HCK: variants seen among roughly 807,000 people sequenced by gnomAD.
The protein encoded by HCK is HCK proto-oncogene, Src family tyrosine kinase, also known as tyrosine-protein kinase HCK.
HCK carries 40 observed loss-of-function variants against 70.4 expected under a neutral mutation model. The ratio of observed to expected loss-of-function variants is 0.57; its 90% CI spans 0.44 to 0.74. The LOEUF (loss-of-function observed/expected upper bound fraction) is 0.74, where lower values mean the gene tolerates loss of function less well. Among genes scored for constraint, HCK ranks in the 30% least tolerant of loss-of-function variants. HCK has a pLI of 0.00. For synonymous variants in HCK, 245 were observed against 263.2 expected, an observed-to-expected ratio of 0.93 and a Z score of 0.67; for missense variants, 568 against 697.2, an observed-to-expected ratio of 0.81 and a Z score of 2.09.
chr20:32,078,951 C>G (rs1321750048), intron 5 of HCK, among the ~76,000 whole-genome samples: 1 of 151,858 alleles, frequency 6.6e-6, no homozygotes, highest in East Asian at 1.9e-4. Context: ...TAACTTCCTC[C>G]CCAGTTGATA....
intron 1 of HCK, among the ~76,000 whole-genome samples, chr20:32,069,535 C>G (rs547673661): frequency 6.6e-6 from 1 of 152,302 alleles, no homozygotes; most frequent in African/African-American, 2.4e-5. Flanking sequence ...TTTCCCAGAA[C>G]TGTAATACAC....
chr20:32,098,983 C>G, intron 11 of HCK, 21 bp from the exon 12 acceptor site: 1 of 1,613,438 alleles, frequency 6.2e-7, no homozygotes, highest in Non-Finnish European at 8.5e-7. Context: ...TTCCCCGACT[C>G]TGCTCTGTTC....
intron 1 of HCK, among the ~76,000 whole-genome samples, chr20:32,069,368 A>G (rs1408038178): frequency 6.6e-6 from 1 of 152,238 alleles, no homozygotes; most frequent in Non-Finnish European, 1.5e-5. Flanking sequence ...GGAAATCACA[A>G]GACTCACAGC....
chr20:32,095,311 A>C (rs920665122), intron 11 of HCK, among the ~76,000 whole-genome samples: 5 of 151,972 alleles, frequency 3.3e-5, no homozygotes, highest in Non-Finnish European at 5.9e-5. Flanking sequence ...GCTAGAGTGC[A>C]GTGGCTCAAT....
Position 32,101,646 on chromosome 20 carries a change from C to T in HCK, c.*127C>T. ...CCCACCCTCGCTTCAGCCACAGTTT[C>T]CTCATCTGTCCAGTGGGTAGGTTGG... is the stretch of plus-strand genomic sequence containing the variant. On this transcript the variant is annotated 3_prime_UTR_variant, in exon 13 of 13. Transcript: ENST00000375852. 7.1e-6 allele frequency: 5 copies of T among 707,324 alleles called. No individual in the cohort carries two copies. The Admixed American group carries it at 1.4e-4, about 19-fold the overall frequency. The allele number at this position is 707,324 out of a possible 1,614,324, so 43.8% of individuals were successfully genotyped here.
intron 8 of HCK, among the ~76,000 whole-genome samples, chr20:32,085,984 T>C (rs2045779784): frequency 6.6e-6 from 1 of 152,006 alleles, no homozygotes; most frequent in African/African-American, 2.4e-5. Context: ...ATAACCTGAG[T>C]AGTGTTTTAA....
chr20:32,101,508 C>G lies in HCK; in HGVS notation c.1570C>G (p.Gln524Glu). ...CACGGCCACAGAGAGCCAGTACCAA[C>G]AGCAGCCATGATAGGGAGGACCAGG... Residue 524 changes from glutamine to glutamate, a missense_variant, in exon 13 of 13, where the codon CAG becomes GAG. By Grantham distance (29) the Gln-to-Glu change is conservative. This residue lies in a region of HCK where 77 missense variants were observed against 85.0 expected (regional missense o/e 0.91). Coordinates refer to ENST00000375852, the MANE Select transcript of HCK (RefSeq NM_002110.5). 2 of 1,612,866 alleles carry G rather than the reference C, an allele frequency of 1.2e-6. No individual in the cohort carries two copies. The highest frequency in any genetic ancestry group is 1.1e-5 in the South Asian group (1 of 90,882).
chr20:32,075,706 T>TCATCCATCCATCCATTCATC (rs2045613184), intron 5 of HCK, among the ~76,000 whole-genome samples: 2 of 150,358 alleles, frequency 1.3e-5, no homozygotes, highest in African/African-American at 4.9e-5. Flanking sequence ...ATCCATCCAT[T>TCATCCATCCATCCATTCATC]CATCCATCCA....
chr20:32,083,574 G>C (rs964695719), intron 6 of HCK, among the ~76,000 whole-genome samples: 2 of 152,238 alleles, frequency 1.3e-5, no homozygotes, highest in Non-Finnish European at 2.9e-5. Flanking sequence ...CTTCCAAGTA[G>C]TTTACAGGCA....
intron 1 of HCK, among the ~76,000 whole-genome samples, chr20:32,059,293 T>TTCCTTCCTTCCTTCCCTCCC (rs1188956257): frequency 6.7e-6 from 1 of 148,924 alleles, no homozygotes; most frequent in South Asian, 2.1e-4. Flanking sequence ...CCTTCCTTCC[T>TTCCTTCCTTCCTTCCCTCCC]TCCCTCCCTC....
intron 2 of HCK, chr20:32,072,546 G>C (rs1227810182): frequency 7.3e-6 from 1 of 136,522 alleles, no homozygotes; most frequent in Non-Finnish European, 1.5e-5. Flanking sequence ...GGGCAATACA[G>C]GGAGACCCTG....
rs749795196 is a variant in HCK, at chr20:32,084,407, C to T, written c.699C>T (p.Leu233=). The change falls in exon 8 of 13, where the codon CTC becomes CTT. Residue 233 remains leucine (L), a synonymous_variant. Transcript: ENST00000375852. ...CTGTTCCAGAGGGGAACGACGGGCT[C>T]TGCCAGAAACTGTCGGTGCCCTGCA... is the stretch of plus-strand genomic sequence containing the variant. The T allele has an allele frequency of 2.5e-6, 4 of 1,613,606 alleles. No individual in the cohort carries two copies. The highest frequency in any genetic ancestry group is 2.5e-6 in the Non-Finnish European group (3 of 1,179,722).
intron 6 of HCK, among the ~76,000 whole-genome samples, chr20:32,082,582 C>T (rs943192701): frequency 9.9e-5 from 15 of 152,128 alleles, no homozygotes; most frequent in Middle Eastern, 3.2e-3. Context: ...GCAGAGATTG[C>T]AGTGAGCCAA....
chr20:32,054,050 A>G (rs571251450), intron 1 of HCK, among the ~76,000 whole-genome samples: 52 of 152,006 alleles, frequency 3.4e-4, no homozygotes, highest in Non-Finnish European at 5.4e-4. Flanking sequence ...AGTGAAGATA[A>G]TAATATATTA....
chr20:32,053,938 A>G (rs1161186560), intron 1 of HCK, among the ~76,000 whole-genome samples: 1 of 152,054 alleles, frequency 6.6e-6, no homozygotes, highest in African/African-American at 2.4e-5. Flanking sequence ...TATGCCTGGC[A>G]CAGAGAAAGG....
intron 4 of HCK, 74 bp downstream of exon 4, chr20:32,073,892 TAA>T: frequency 5.9e-6 from 5 of 844,888 alleles, no homozygotes; most frequent in Non-Finnish European, 9.9e-6. Flanking sequence ...TGTGCTTCCA[TAA>T]AGAACCTGAT....
intron 6 of HCK, 83 bp from the exon 7 acceptor site, chr20:32,083,811 G>T: frequency 6.6e-7 from 1 of 1,519,898 alleles, no homozygotes; most frequent in Non-Finnish European, 9.1e-7. Flanking sequence ...GCCAGCGGTA[G>T]CCTTACAGGG....
chr20:32,073,647 G>T, intron 3 of HCK, 69 bp from the exon 4 acceptor site: 1 of 1,069,648 alleles, frequency 9.3e-7, no homozygotes, highest in Non-Finnish European at 1.4e-6. Flanking sequence ...CCAGGTGCCG[G>T]GTGAGGGTCA....
chr20:32,074,743 T>C (rs2045597485), intron 5 of HCK, 22 bp downstream of exon 5: 2 of 1,565,468 alleles, frequency 1.3e-6, no homozygotes, highest in East Asian at 4.5e-5. Flanking sequence ...ATTTCCTACC[T>C]TCCAGAAAGA....
Sources: gnomAD v4.1 joint callset for allele counts (sites outside exome capture counted in the v4.1 genomes callset) on GRCh38, gnomAD v4.1.1 for gene constraint, gnomAD v4.1.1 regional missense constraint, MANE v1.5 for transcripts, NCBI Gene and HGNC (gene_info 2026-07-23, HGNC 2026-07-21) for gene names.